NFATC1: variants seen among roughly 807,000 people sequenced by gnomAD.
The protein encoded by NFATC1 is nuclear factor of activated T-cells, cytoplasmic 1.
NFATC1 carries 22 observed loss-of-function variants against 76.0 expected under a neutral mutation model. That is an observed-to-expected ratio of 0.29 (90% confidence interval 0.21 to 0.41). NFATC1 has a LOEUF of 0.41. Among genes scored for constraint, NFATC1 ranks in the 10% least tolerant of loss-of-function variants. The pLI, the probability that NFATC1 is intolerant of heterozygous loss-of-function variation, is 1.00. For missense variants in NFATC1, 1,357 were observed against 1,337.7 expected (o/e 1.01, Z -0.23); for synonymous variants, 704 against 613.1 (o/e 1.15, Z -2.19).
intron 6 of NFATC1, among the ~76,000 whole-genome samples, chr18:79,453,870 A>G (rs549100297): frequency 6.6e-6 from 1 of 152,366 alleles, no homozygotes; most frequent in African/African-American, 2.4e-5. Flanking sequence ...ATGTCCACAT[A>G]ATTTTCTTCC....
At chr18:79,479,773 C>A (rs2089208943) in intron 8 of NFATC1, among the ~76,000 whole-genome samples, 1 of 152,226 alleles carries the variant, frequency 6.6e-6, no homozygotes, top group African/African-American at 2.4e-5. Flanking sequence ...CTGCCGTCCA[C>A]CGCCCTTTGT....
intron 7 of NFATC1, among the ~76,000 whole-genome samples, chr18:79,463,367 C>T (rs2088228171): frequency 6.6e-6 from 1 of 152,172 alleles, no homozygotes; most frequent in Non-Finnish European, 1.5e-5. Flanking sequence ...TCAGGGTGCT[C>T]AGAAGGGTCC....
At position 79,528,527 on chromosome 18, in the gene NFATC1, C is replaced by A. The variant is rs570182664; in HGVS notation, c.*950C>A. 1.3e-5 allele frequency: 2 copies of A among 152,352 alleles called. No individual in the cohort carries two copies. Among genetic ancestry groups the A allele is most frequent in the East Asian group, 3.9e-4 (2 of 5,192 alleles). The allele number at this position is 152,352 out of a possible 1,614,324, so 9.4% of individuals were successfully genotyped here. On this transcript the variant is annotated 3_prime_UTR_variant, in exon 10 of 10. Transcript: ENST00000427363. ...TGCTGGCGTCCATCGCCGCCTCGGA[C>A]GGCCGTGCATTTTCTCGTCTCACGC... is the stretch of plus-strand genomic sequence containing the variant.
chr18:79,423,276 C>G (rs2086164429), intron 2 of NFATC1, among the ~76,000 whole-genome samples: 1 of 152,244 alleles, frequency 6.6e-6, no homozygotes, highest in Non-Finnish European at 1.5e-5. Flanking sequence ...CAGCCCAGAT[C>G]CCGCGCGCTC....
chr18:79,413,028 C>T (rs1313090843), intron 2 of NFATC1, among the ~76,000 whole-genome samples: 4 of 152,332 alleles, frequency 2.6e-5, no homozygotes, highest in Non-Finnish European at 5.9e-5. Context: ...CTGTTTTTGC[C>T]TGCTGTACTA....
Position 79,474,223 on chromosome 18 carries a change from GTAAACC to G in NFATC1, c.2092+6643_2092+6648del, listed in dbSNP as rs2088933159. Among the ~76,000 whole-genome samples, 10 of 7,128 alleles carry G rather than the reference GTAAACC, an allele frequency of 1.4e-3. No homozygotes were observed. In the East Asian group the frequency reaches 0.027, roughly 19 times the overall value. The allele number at this position is 7,128 out of a possible 152,430, so 4.7% of individuals were successfully genotyped here. On this transcript the variant is annotated intron_variant, in intron 8 of 9. Coordinates refer to ENST00000427363, the MANE Select transcript of NFATC1 (RefSeq NM_001278669.2). ...GCGTGTTCTCATGCTCACTGTCGAC[GTAAACC>G]TGAGGGAAGCGTGTTCTCGCGCTCA...
intron 1 of NFATC1, among the ~76,000 whole-genome samples, chr18:79,401,068 T>C (rs751714232): frequency 2.0e-5 from 3 of 146,540 alleles, no homozygotes; most frequent in African/African-American, 5.1e-5. Flanking sequence ...CTTCTCTGTG[T>C]CAGAAATAAG....
intron 1 of NFATC1, among the ~76,000 whole-genome samples, chr18:79,408,353 A>C (rs2085512426): frequency 6.6e-6 from 1 of 152,240 alleles, no homozygotes; most frequent in African/African-American, 2.4e-5. Context: ...ACCTCTAGGC[A>C]TGTAATCATG....
intron 2 of NFATC1, among the ~76,000 whole-genome samples, chr18:79,427,904 T>TAGGGGGA (rs2086449125): frequency 1.6e-4 from 2 of 12,370 alleles, no homozygotes; most frequent in African/African-American, 7.2e-4. Context: ...GGGAGGGGGG[T>TAGGGGGA]GGCTAGACAG....
intron 8 of NFATC1, among the ~76,000 whole-genome samples, chr18:79,482,190 A>G (rs564575809): frequency 6.2e-4 from 61 of 98,264 alleles, no homozygotes; most frequent in Admixed American, 1.0e-3. Flanking sequence ...TAATTCCAGC[A>G]TGACCTGGTT....
At chr18:79,416,008 G>A (rs2085863814) in intron 2 of NFATC1, among the ~76,000 whole-genome samples, 1 of 152,234 alleles carries the variant, frequency 6.6e-6, no homozygotes. Flanking sequence ...GTTGCAGTGA[G>A]CTGAGGTCGT....
Position 79,486,406 on chromosome 18 carries a change from T to A in NFATC1, c.2251T>A (p.Cys751Ser), listed in dbSNP as rs754093. Residue 751 changes from cysteine (C) to serine (S), a missense_variant, in exon 9 of 10, where the codon TGT becomes AGT. This residue lies in a region of NFATC1 where 424 missense variants were observed against 395.4 expected (regional missense o/e 1.07). Coordinates refer to ENST00000427363, the MANE Select transcript of NFATC1 (RefSeq NM_001278669.2). ...SSCLVAGFPP[C>S]PQRSTLMPAA... ...CTGCCTCGTGGCCGGCTTCCCGCCC[T>A]GTCCGCAGAGAAGCACCCTGATGCC... 19 of 1,612,410 alleles carry A rather than the reference T, an allele frequency of 1.2e-5. No homozygotes were observed. Among genetic ancestry groups the A allele is most frequent in the African/African-American group, 2.7e-5 (2 of 74,848 alleles).
chr18:79,506,185 T>A (rs975175003), intron 9 of NFATC1, among the ~76,000 whole-genome samples: 3 of 152,186 alleles, frequency 2.0e-5, no homozygotes, highest in Non-Finnish European at 4.4e-5. Context: ...AAAGAGCGGT[T>A]CGCCGTGGGG....
chr18:79,447,163 C>T (rs530006243), intron 3 of NFATC1, among the ~76,000 whole-genome samples: 33 of 152,350 alleles, frequency 2.2e-4, no homozygotes, highest in African/African-American at 7.9e-4. Context: ...GGTGACCACA[C>T]GGCGGCTGAG....
Position 79,528,028 on chromosome 18 carries a change from T to A in NFATC1, c.*451T>A, listed in dbSNP as rs1236501721. The stretch of plus-strand genomic sequence containing the variant: ...GAGCAGAAACTGCAAACACATTTCA[T>A]TGTGAGGTTTTACCCTCTGTATGAA... On this transcript the variant is annotated 3_prime_UTR_variant, in exon 10 of 10. Coordinates refer to ENST00000427363, the MANE Select transcript of NFATC1 (RefSeq NM_001278669.2). The A allele has an allele frequency of 1.9e-5, 8 of 411,744 alleles. No individual in the cohort carries two copies. Among genetic ancestry groups the A allele is most frequent in the Non-Finnish European group, 3.0e-5 (7 of 233,244 alleles). The allele number at this position is 411,744 out of a possible 1,614,324, so 25.5% of individuals were successfully genotyped here.
intron 9 of NFATC1, among the ~76,000 whole-genome samples, chr18:79,526,792 C>T (rs190793885): frequency 2.6e-5 from 4 of 152,326 alleles, no homozygotes; most frequent in East Asian, 1.9e-4. Context: ...TGAGACAGGC[C>T]GGGGCCTTTG....
chr18:79,477,044 G>A (rs1359597402), intron 8 of NFATC1, among the ~76,000 whole-genome samples: 3 of 152,212 alleles, frequency 2.0e-5, no homozygotes, highest in East Asian at 1.9e-4. Context: ...ATGGTGGGCC[G>A]TGGATCCCTC....
intron 3 of NFATC1, among the ~76,000 whole-genome samples, chr18:79,434,507 G>A (rs554400221): frequency 1.3e-5 from 2 of 152,362 alleles, no homozygotes; most frequent in East Asian, 3.9e-4. Flanking sequence ...CGTTCCACCT[G>A]TTACCTCGTC....
chr18:79,503,559 C>T (rs1170419700), intron 9 of NFATC1, among the ~76,000 whole-genome samples: 3 of 152,180 alleles, frequency 2.0e-5, no homozygotes. Flanking sequence ...TTTGTCGCTC[C>T]ATGGGTGGCG....
Sources: gnomAD v4.1 joint callset for allele counts (sites outside exome capture counted in the v4.1 genomes callset) on GRCh38, gnomAD v4.1.1 for gene constraint, gnomAD v4.1.1 regional missense constraint, MANE v1.5 for transcripts, NCBI Gene and HGNC (gene_info 2026-07-23, HGNC 2026-07-21) for gene names.